The following OR56A3 variants were observed in gnomAD, a reference collection of about 807,000 sequenced individuals.
OR56A3 encodes the protein olfactory receptor 56A3.
In OR56A3, 23 loss-of-function variants were observed where a neutral mutation model predicts 17.5. That is an observed-to-expected ratio of 1.32 (90% CI 0.95 to 1.87). The LOEUF is 1.87. OR56A3 is among the 40% of genes most tolerant of loss of function. OR56A3 has a pLI of 0.00. For synonymous variants in OR56A3, 175 were observed against 150.6 expected (o/e 1.16, Z -1.19); for missense variants, 366 against 380.1 (o/e 0.96, Z 0.31).
At chr11:5,946,605 C>T (rs1256488234) in intron 2 of OR56A3, among the ~76,000 whole-genome samples, 3 of 152,144 alleles carry the variant, frequency 2.0e-5, no homozygotes, top group Non-Finnish European at 4.4e-5. Flanking sequence ...TCCCTGTTAG[C>T]TATGTGGAAG....
chr11:5,976,607 C>T, the OR56A3 span, among the ~76,000 whole-genome samples: 1 of 152,060 alleles, frequency 6.6e-6, no homozygotes, highest in East Asian at 1.9e-4. Context: ...ATAGTTCTTA[C>T]TCGGGCTTTA....
the OR56A3 span, among the ~76,000 whole-genome samples, chr11:5,999,066 C>G: frequency 1.3e-5 from 2 of 152,134 alleles, no homozygotes; most frequent in African/African-American, 4.8e-5. Context: ...GTGGTGCACC[C>G]AGACTGAAAT....
the OR56A3 span, chr11:6,020,188 A>C: frequency 6.6e-6 from 1 of 152,176 alleles, no homozygotes; most frequent in Non-Finnish European, 1.5e-5. Context: ...GTTTCCAATC[A>C]AATACCAGGA....
chr11:6,011,693 T>C, the OR56A3 span, among the ~76,000 whole-genome samples: 1 of 152,156 alleles, frequency 6.6e-6, no homozygotes, highest in East Asian at 1.9e-4. Flanking sequence ...GCTCGTTCTG[T>C]CCATTTGGCC....
At chr11:5,994,995 C>G in the OR56A3 span, 2 of 677,538 alleles carry the variant, frequency 3.0e-6, no homozygotes, top group African/African-American at 3.6e-5. Context: ...CCCAAGCCAC[C>G]TGGAAGCTGG....
At chr11:6,003,209 T>A in the OR56A3 span, 3 of 1,046,538 alleles carry the variant, frequency 2.9e-6, no homozygotes, top group Non-Finnish European at 4.1e-6. Flanking sequence ...ATATTCATTA[T>A]CTCATTTCAT....
the OR56A3 span, among the ~76,000 whole-genome samples, chr11:6,014,909 G>C: frequency 7.9e-5 from 11 of 139,974 alleles, no homozygotes; most frequent in African/African-American, 2.9e-4. Context: ...GATCTTGAGA[G>C]AGATGACTTA....
chr11:5,968,532 T>C, the OR56A3 span: 23 of 1,409,122 alleles, frequency 1.6e-5, no homozygotes, highest in African/African-American at 3.0e-4. Context: ...CACCTGAAAT[T>C]GTGTTTGATA....
chr11:5,972,419 T>A, the OR56A3 span, among the ~76,000 whole-genome samples: 1 of 152,020 alleles, frequency 6.6e-6, no homozygotes, highest in Non-Finnish European at 1.5e-5. Context: ...TGACCCAGGG[T>A]CTCCTGGCCC....
chr11:5,985,845 A>G, the OR56A3 span: 6 of 1,179,126 alleles, frequency 5.1e-6, no homozygotes, highest in Admixed American at 1.4e-4. Context: ...ACTCACTGCA[A>G]AATGGTCTGT....
chr11:5,999,392 T>C, the OR56A3 span: 1 of 152,224 alleles, frequency 6.6e-6, no homozygotes, highest in Non-Finnish European at 1.5e-5. Flanking sequence ...ACAAAAACTT[T>C]TATTAATTCA....
At chr11:5,952,915 T>C (rs1847915737), downstream of OR56A3, among the ~76,000 whole-genome samples, 1 of 152,204 alleles carries the variant, frequency 6.6e-6, no homozygotes, top group South Asian at 2.1e-4. Flanking sequence ...TTAGGTTTTG[T>C]GTTCCTGTGT....
chr11:5,962,064 C>T, the OR56A3 span, among the ~76,000 whole-genome samples: 1 of 152,126 alleles, frequency 6.6e-6, no homozygotes, highest in Non-Finnish European at 1.5e-5. Flanking sequence ...AGGTAAACTT[C>T]TTCTATACCT....
At chr11:5,966,334 A>G in the OR56A3 span, among the ~76,000 whole-genome samples, 3 of 152,160 alleles carry the variant, frequency 2.0e-5, no homozygotes, top group South Asian at 6.2e-4. Flanking sequence ...AGATCATGGC[A>G]CTGAACTCCA....
the OR56A3 span, among the ~76,000 whole-genome samples, chr11:6,014,989 C>CAAAAAAAAAAAAAAAAAAAAAAAAA: frequency 2.8e-4 from 10 of 35,200 alleles, 2 homozygotes; most frequent in Admixed American, 5.2e-4. Flanking sequence ...TATTCATGGG[C>CAAAAAAAAAAAAAAAAAAAAAAAAA]AAAAAAAAAA....
At chr11:5,994,623 C>T in the OR56A3 span, 47 of 782,338 alleles carry the variant, frequency 6.0e-5, no homozygotes, top group Non-Finnish European at 8.2e-5. Flanking sequence ...CCATGGATTT[C>T]GCTCTTCACA....
At chr11:5,994,880 T>C in the OR56A3 span, 1 of 759,294 alleles carries the variant, frequency 1.3e-6, no homozygotes, top group East Asian at 2.5e-5. Flanking sequence ...TCTGTCCGGG[T>C]AGGAGGCCAG....
At chr11:5,968,384 G>A in the OR56A3 span, 2 of 1,613,694 alleles carry the variant, frequency 1.2e-6, no homozygotes, top group South Asian at 1.1e-5. Context: ...CCAGGAGGAA[G>A]AGGAGGCTGA....
the OR56A3 span, chr11:6,001,694 A>T: frequency 5.8e-6 from 1 of 172,432 alleles, no homozygotes; most frequent in Admixed American, 6.1e-5. Context: ...AAATCAAAAA[A>T]CAGGCTGATC....
Sources: gnomAD v4.1 joint callset for allele counts (sites outside exome capture counted in the v4.1 genomes callset) on GRCh38, gnomAD v4.1.1 for gene constraint, MANE v1.5 for transcripts, NCBI Gene and HGNC (gene_info 2026-07-23, HGNC 2026-07-21) for gene names.